Variants in AHCY observed in about 807,000 individuals in gnomAD.
AHCY encodes adenosylhomocysteinase, also known as S-adenosyl-L-homocysteine hydrolase.
AHCY carries 24 observed loss-of-function variants against 45.4 expected under a neutral mutation model. The ratio of observed to expected loss-of-function variants is 0.53; its 90% CI spans 0.38 to 0.74. The LOEUF is 0.74. AHCY is among the 30% of genes least tolerant of loss of function. The pLI, the probability that AHCY is intolerant of heterozygous loss-of-function variation, is 0.00. For missense variants in AHCY, 449 were observed against 594.1 expected, an observed-to-expected ratio of 0.76 and a Z score of 2.54; for synonymous variants, 245 against 235.1, an observed-to-expected ratio of 1.04 and a Z score of -0.39.
the AHCY span, among the ~76,000 whole-genome samples, chr20:34,247,901 A>G: frequency 6.6e-6 from 1 of 151,756 alleles, no homozygotes; most frequent in Non-Finnish European, 1.5e-5. Flanking sequence ...CCTGTCTTGT[A>G]TGACTTTTAA....
upstream of AHCY, among the ~76,000 whole-genome samples, chr20:34,308,036 G>T (rs1273872488): frequency 6.6e-6 from 1 of 151,990 alleles, no homozygotes; most frequent in East Asian, 1.9e-4. Flanking sequence ...ACTTATAAGT[G>T]AGAACATGCT....
the AHCY span, chr20:34,245,872 A>G: frequency 2.1e-6 from 2 of 972,184 alleles, no homozygotes; most frequent in South Asian, 4.3e-5. Context: ...AAATATATAT[A>G]TATGTATATA....
At chr20:34,280,128 A>AT (rs1296332253), downstream of AHCY, 1 of 152,034 alleles carries the variant, frequency 6.6e-6, no homozygotes, top group East Asian at 1.9e-4. Context: ...CACTTTACCC[A>AT]TTCTTTCAAG....
intron 8 of AHCY, among the ~76,000 whole-genome samples, chr20:34,289,531 G>A (rs762433123): frequency 1.4e-5 from 2 of 138,646 alleles, no homozygotes; most frequent in African/African-American, 2.8e-5. Context: ...GCAGGAGTGC[G>A]AGGGTGCGAT....
At chr20:34,273,747 CCT>C in the AHCY span, among the ~76,000 whole-genome samples, 1 of 152,152 alleles carries the variant, frequency 6.6e-6, no homozygotes, top group Admixed American at 6.6e-5. Context: ...GACGAGTTAC[CCT>C]TTCTTCTTCC....
intron 1 of AHCY, among the ~76,000 whole-genome samples, chr20:34,297,281 TTTAA>T (rs1239808325): frequency 1.1e-4 from 17 of 151,956 alleles, no homozygotes; most frequent in Admixed American, 2.0e-4. Context: ...AGACATCATA[TTTAA>T]TTAATTAATT....
In AHCY at chr20:34,285,363, A is replaced by C; in HGVS notation, c.1167+77T>G. On this transcript the variant is annotated intron_variant, in intron 9 of 9. Transcript: ENST00000217426. ...GAGGGCAGACAGGCAAGCACTTTAT[A>C]AACTCTGGCAAGCCCTGTGTGGGGA... 3 of 1,549,828 alleles carry C rather than the reference A, an allele frequency of 1.9e-6. No homozygotes were observed. In the South Asian group the frequency reaches 3.4e-5, roughly 17 times the overall value.
At position 34,303,015 on chromosome 20, in the gene AHCY, C is replaced by T. The variant is rs533333271; in HGVS notation, c.28+228G>A. 6 of 985,442 alleles carry T rather than the reference C, an allele frequency of 6.1e-6. No homozygotes were observed. The South Asian group carries it at 2.8e-4, about 46-fold the overall frequency. The allele number at this position is 985,442 out of a possible 1,614,324, so 61.0% of individuals were successfully genotyped here. On this transcript the variant is annotated intron_variant, in intron 1 of 9. Transcript: ENST00000217426. The stretch of plus-strand genomic sequence containing the variant: ...CGGCTCGCAGACCGCGCGGCGGCCC[C>T]GGCGTCGCGGGGCATGCTGGGACTT...
intron 1 of AHCY, 28 bp from the exon 2 acceptor site, chr20:34,295,613 G>GT: frequency 6.2e-7 from 1 of 1,609,656 alleles, no homozygotes; most frequent in Non-Finnish European, 8.5e-7. Flanking sequence ...TGGGAGTTCC[G>GT]TGAGTCCCCT....
At chr20:34,292,120 C>G (rs1021509778) in intron 4 of AHCY, among the ~76,000 whole-genome samples, 18 of 152,260 alleles carry the variant, frequency 1.2e-4, no homozygotes, top group Admixed American at 1.1e-3. Context: ...TCCCTCCCAG[C>G]TATTCCCAAC....
At chr20:34,298,800 G>A (rs2036672589) in intron 1 of AHCY, among the ~76,000 whole-genome samples, 1 of 152,144 alleles carries the variant, frequency 6.6e-6, no homozygotes, top group Admixed American at 6.5e-5. Flanking sequence ...ACCTGGCTAT[G>A]CCTTCTAGAT....
the AHCY span, among the ~76,000 whole-genome samples, chr20:34,273,908 A>G: frequency 2.0e-5 from 3 of 152,206 alleles, no homozygotes; most frequent in East Asian, 5.8e-4. Context: ...CTATTAATTG[A>G]TTGCCTGCAG....
downstream of AHCY, among the ~76,000 whole-genome samples, chr20:34,275,860 A>AT (rs890670977): frequency 3.7e-4 from 52 of 141,168 alleles, no homozygotes; most frequent in East Asian, 1.0e-3. Flanking sequence ...TTTTTATTCT[A>AT]TTTTTTTTTT....
chr20:34,293,565 C>A (rs983716219), intron 3 of AHCY: 5 of 261,176 alleles, frequency 1.9e-5, no homozygotes, highest in African/African-American at 1.1e-4. Context: ...GTGCCACCCC[C>A]TCCTGTCCAC....
At chr20:34,247,943 T>C in the AHCY span, among the ~76,000 whole-genome samples, 1 of 152,178 alleles carries the variant, frequency 6.6e-6, no homozygotes, top group Admixed American at 6.5e-5. Context: ...CAGTGGCACA[T>C]GCGTGTAATC....
At chr20:34,282,566 C>T (rs2036038415) in intron 9 of AHCY, among the ~76,000 whole-genome samples, 1 of 152,112 alleles carries the variant, frequency 6.6e-6, no homozygotes, top group Non-Finnish European at 1.5e-5. Context: ...TCACTTGTGA[C>T]CAAAAGGATT....
chr20:34,262,899 G>T, the AHCY span: 1 of 1,613,878 alleles, frequency 6.2e-7, no homozygotes, highest in African/African-American at 1.3e-5. Flanking sequence ...CTAAGGTAAG[G>T]GCAGGGAAGT....
the AHCY span, among the ~76,000 whole-genome samples, chr20:34,247,356 A>G: frequency 1.1e-4 from 16 of 146,654 alleles, no homozygotes; most frequent in Admixed American, 2.1e-4. Flanking sequence ...GCTGGAGTGC[A>G]ATGGTGTGAT....
chr20:34,280,942 C>T lies in AHCY; in HGVS notation c.*92G>A. On this transcript the variant is annotated 3_prime_UTR_variant, in exon 10 of 10. Transcript: ENST00000217426. ...AGAGTCGATGGGGGACACTGACAAA[C>T]CAATCACAAAGTTGGTGCCATTAGC... The T allele has an allele frequency of 6.3e-7, 1 of 1,576,984 alleles. No homozygotes were observed. Among genetic ancestry groups the T allele is most frequent in the South Asian group, 1.1e-5 (1 of 87,496 alleles).
Sources: gnomAD v4.1 joint callset for allele counts (sites outside exome capture counted in the v4.1 genomes callset) on GRCh38, gnomAD v4.1.1 for gene constraint, MANE v1.5 for transcripts, NCBI Gene and HGNC (gene_info 2026-07-23, HGNC 2026-07-21) for gene names.